The following DSP variants were observed in gnomAD, a reference collection of about 807,000 sequenced individuals.
The protein encoded by DSP is desmoplakin.
Under a neutral mutation model 290.6 loss-of-function variants are expected in DSP, and 114 were observed. The ratio of observed to expected loss-of-function variants is 0.39; its 90% CI spans 0.34 to 0.46. The LOEUF (loss-of-function observed/expected upper bound fraction) is 0.46. Among genes scored for constraint, DSP ranks in the 20% least tolerant of loss-of-function variants. DSP has a pLI of 0.99. For missense variants in DSP, 3,230 were observed against 3,495.8 expected (o/e 0.92, Z 1.92); for synonymous variants, 1,311 against 1,316.4 (o/e 1.00, Z 0.09).
In DSP at chr6:7,551,189, G is replaced by A. The variant is rs562282296; in HGVS notation, c.171-4529G>A. On this transcript the variant is annotated intron_variant, in intron 1 of 23. Transcript: ENST00000379802. ...TAAAATTGAGTTACAGAATGAATGA[G>A]GTGAAGAAATCTTACATACCATTTA... 2.3e-4 allele frequency among the ~76,000 whole-genome samples: 35 copies of A among 152,076 alleles called. 2 individuals are homozygous for A. Among genetic ancestry groups the A allele is most frequent in the African/African-American group, 8.2e-4 (34 of 41,480 alleles).
Position 7,541,958 on chromosome 6 carries a change from GGCC to G in DSP, c.46_48del (p.Arg16del), listed in dbSNP as rs1217826914. On this transcript the variant is annotated inframe_deletion, in exon 1 of 24. Coordinates refer to ENST00000379802, the MANE Select transcript of DSP (RefSeq NM_004415.4). ...CTCCCACCCGCGGATCAACACTCTG[GGCC>G]GCATGATCCGCGCCGAGTCTGGCCC... 6.2e-7 allele frequency: 1 copy of G among 1,609,142 alleles called. No homozygotes were observed. The highest frequency in any genetic ancestry group is 1.1e-5 in the South Asian group (1 of 90,326).
At chr6:7,572,873 G>A (rs1759098163) in intron 15 of DSP, among the ~76,000 whole-genome samples, 1 of 152,230 alleles carries the variant, frequency 6.6e-6, no homozygotes, top group Non-Finnish European at 1.5e-5. Flanking sequence ...TGTAGGGCAT[G>A]TGACTGTCCT....
chr6:7,584,725 T>C lies in DSP; in HGVS notation c.7463T>C (p.Ile2488Thr), dbSNP rs1417607373. Residue 2488 changes from isoleucine to threonine, a missense_variant, in exon 24 of 24, where the codon ATT becomes ACT. Physicochemically the swap from Ile to Thr is moderately conservative, Grantham distance 89. Transcript: ENST00000379802. This position sits in a 1 kb window ranked among gnomAD's most constrained non-coding sequence, Gnocchi z 6.4. ...CAGGAGGCCTACAAGAAGGGCCTAA[T>C]TGATTATGAAACCTTCAAAGAACTG... ...SVQEAYKKGLIDYETFKELCE... is the reference protein window; with the variant it reads ...SVQEAYKKGLTDYETFKELCE... The C allele has an allele frequency of 2.5e-6, 4 of 1,614,046 alleles. No homozygotes were observed. Among genetic ancestry groups the C allele is most frequent in the African/African-American group, 1.3e-5 (1 of 74,926 alleles).
chr6:7,577,856 T>C lies in DSP; in HGVS notation c.2955T>C (p.Ile985=). Residue 985 remains isoleucine (I), a synonymous_variant, in exon 21 of 24, where the codon ATT becomes ATC. Transcript: ENST00000379802. ...LLNIPIKRTM[I]QSPSGVILQE... The stretch of plus-strand genomic sequence containing the variant: ...ACATACCTATCAAGAGGACCATGAT[T>C]CAGTCCCCTTCTGGGGTGATTCTGC... 2.5e-6 allele frequency: 4 copies of C among 1,614,134 alleles called. No homozygotes were observed. Among genetic ancestry groups the C allele is most frequent in the Non-Finnish European group, 3.4e-6 (4 of 1,180,018 alleles).
chr6:7,550,210 G>A (rs1016924207), intron 1 of DSP, among the ~76,000 whole-genome samples: 7 of 150,982 alleles, frequency 4.6e-5, no homozygotes, highest in Admixed American at 1.3e-4. Context: ...TTCATGCCCA[G>A]CTGTTTTGTT....
chr6:7,570,005 A>G (rs1033468851), intron 12 of DSP, among the ~76,000 whole-genome samples: 1 of 152,250 alleles, frequency 6.6e-6, no homozygotes, highest in Non-Finnish European at 1.5e-5. Context: ...TGTAGGAAGA[A>G]CATTCGTTTA....
Position 7,585,397 on chromosome 6 carries a change from C to T in DSP, c.8135C>T (p.Ala2712Val). The T allele has an allele frequency of 6.2e-7, 1 of 1,614,076 alleles. No individual in the cohort carries two copies. Among genetic ancestry groups the T allele is most frequent in the Non-Finnish European group, 8.5e-7 (1 of 1,179,998 alleles). The change falls in exon 24 of 24, where the codon GCA (alanine) becomes GTA (valine). Residue 2712 changes from alanine (A) to valine (V), a missense_variant. Coordinates refer to ENST00000379802, the MANE Select transcript of DSP (RefSeq NM_004415.4). ...KGKKKMSAAE[A>V]VKEKWLPYEA... ...AAGAAGAAGATGTCAGCAGCAGAGG[C>T]AGTGAAAGAAAAATGGCTCCCGTAT...
At chr6:7,548,209 G>A (rs1209087768) in intron 1 of DSP, among the ~76,000 whole-genome samples, 1 of 151,990 alleles carries the variant, frequency 6.6e-6, no homozygotes, top group African/African-American at 2.4e-5. Flanking sequence ...AGAGGTTGCA[G>A]CGAGCTGAGA....
At position 7,584,968 on chromosome 6, in the gene DSP, C is replaced by CCAG; in HGVS notation, c.7715_7717dup (p.Ser2572dup). On this transcript the variant is annotated inframe_insertion, in exon 24 of 24. Transcript: ENST00000379802. The surrounding 1 kb of genome is among the most constrained non-coding windows in gnomAD (Gnocchi z 6.4). Reference sequence around the variant, plus strand: ...ATCTCCTTGAAAAATGGTGTCGGCACCAGCAGCAGCATGGGCAGTGGTGTC... The same window carrying CCAG: ...ATCTCCTTGAAAAATGGTGTCGGCACCAGCAGCAGCAGCATGGGCAGTGGTGTC... 1 of 1,614,196 alleles carries CCAG rather than the reference C, an allele frequency of 6.2e-7. No individual in the cohort carries two copies. The highest frequency in any genetic ancestry group is 8.5e-7 in the Non-Finnish European group (1 of 1,180,042).
At position 7,565,353 on chromosome 6, in the gene DSP, G is replaced by A; in HGVS notation, c.778-6G>A. On this transcript the variant is annotated splice_region_variant and splice_polypyrimidine_tract_variant and intron_variant, in intron 6 of 23. Coordinates refer to ENST00000379802, the MANE Select transcript of DSP (RefSeq NM_004415.4). This position sits in a 1 kb window ranked among gnomAD's most constrained non-coding sequence, Gnocchi z 4.2. ...TTTTAATGCTGCCTTTGAACCTCCT[G>A]TGCAGAAAGCGTCCTTTGAGAGGAT... 2 of 1,613,932 alleles carry A rather than the reference G, an allele frequency of 1.2e-6. No individual in the cohort carries two copies. The highest frequency in any genetic ancestry group is 1.7e-6 in the Non-Finnish European group (2 of 1,179,992).
Position 7,567,358 on chromosome 6 carries a change from A to G in DSP, c.1049A>G (p.Tyr350Cys), listed in dbSNP as rs1187569405. 6.2e-7 allele frequency: 1 copy of G among 1,613,914 alleles called. No individual in the cohort carries two copies. The highest frequency in any genetic ancestry group is 1.3e-5 in the African/African-American group (1 of 75,062). Residue 350 changes from tyrosine to cysteine, a missense_variant, in exon 9 of 24, where the codon TAT (tyrosine) becomes TGT (cysteine). Physicochemically the swap from Tyr to Cys is radical, Grantham distance 194 (BLOSUM62 -2). This residue lies in a region of DSP where 646 missense variants were observed against 684.3 expected (regional missense o/e 0.94). Coordinates refer to ENST00000379802, the MANE Select transcript of DSP (RefSeq NM_004415.4). ...GCTGACATTTTCTTGTTTCAGGCCT[A>G]TATGGACACTCTGCAGACGCAGTGG... ...QHPASDKIEA[Y>C]MDTLQTQWSW...
intron 1 of DSP, among the ~76,000 whole-genome samples, chr6:7,547,195 G>A (rs994524571): frequency 6.6e-6 from 1 of 152,032 alleles, no homozygotes; most frequent in Non-Finnish European, 1.5e-5. Flanking sequence ...GTTCAGATGT[G>A]GTTCTGATTT....
rs1280704171 is a variant in DSP at position 7,580,826 on chromosome 6, T to C, written c.4636T>C (p.Ser1546Pro). 1.2e-6 allele frequency: 2 copies of C among 1,614,090 alleles called. No homozygotes were observed. The highest frequency in any genetic ancestry group is 1.7e-6 in the Non-Finnish European group (2 of 1,180,024). The change falls in exon 23 of 24, where the codon TCC becomes CCC. Residue 1546 changes from serine to proline, a missense_variant. Transcript: ENST00000379802. The surrounding 1 kb of genome is among the most constrained non-coding windows in gnomAD (Gnocchi z 4.2). ...TRLRIDYERV[S>P]QERTVKDQDI... ...CCTGAGGATCGACTATGAAAGGGTT[T>C]CCCAGGAGAGGACTGTGAAGGACCA... is the stretch of plus-strand genomic sequence containing the variant.
At chr6:7,566,680 AT>A (rs575593666) in intron 8 of DSP, among the ~76,000 whole-genome samples, 199 bp downstream of exon 8, 20 of 152,224 alleles carry the variant, frequency 1.3e-4, no homozygotes, top group Non-Finnish European at 2.4e-4. Flanking sequence ...CTTTCAGGCC[AT>A]TTGGTCTCTG....
At chr6:7,561,445 C>A (rs1379146221) in intron 4 of DSP, among the ~76,000 whole-genome samples, 2 of 152,196 alleles carry the variant, frequency 1.3e-5, no homozygotes, top group African/African-American at 4.8e-5. Context: ...GGAGACTGAG[C>A]TGCAGGGCCC....
rs1355346786 is a variant in DSP, at chr6:7,582,644, A to G, written c.5382A>G (p.Ala1794=). 1.9e-6 allele frequency: 3 copies of G among 1,611,548 alleles called. No homozygotes were observed. Among genetic ancestry groups the G allele is most frequent in the Non-Finnish European group, 1.7e-6 (2 of 1,177,706 alleles). The change falls in exon 24 of 24, where the codon GCA becomes GCG. Residue 1794 remains alanine, a splice_region_variant and synonymous_variant. Transcript: ENST00000379802. This position sits in a 1 kb window ranked among gnomAD's most constrained non-coding sequence, Gnocchi z 4.2. ...ATTTCTTTCTTCTTCAATTCCAGGC[A>G]TCTAATAGGATTCAGGAATCAAAGA... ...IEKFQKQALE[A]SNRIQESKNQ...
chr6:7,554,126 C>CACACACA (rs61605193), intron 1 of DSP, among the ~76,000 whole-genome samples: 16 of 130,340 alleles, frequency 1.2e-4, no homozygotes, highest in South Asian at 4.5e-4. Flanking sequence ...CACACACACA[C>CACACACA]CCAGTTGGTT....
chr6:7,545,987 A>T (rs954877012), intron 1 of DSP, among the ~76,000 whole-genome samples: 14 of 152,146 alleles, frequency 9.2e-5, no homozygotes, highest in Non-Finnish European at 1.9e-4. Flanking sequence ...CCGGAGAGGG[A>T]TTTGGATAGG....
chr6:7,550,985 C>T (rs370880938), intron 1 of DSP, among the ~76,000 whole-genome samples: 5 of 151,948 alleles, frequency 3.3e-5, no homozygotes, highest in East Asian at 3.9e-4. Context: ...AATGTGTATA[C>T]GCTTGTAAGT....
Sources: gnomAD v4.1 joint callset for allele counts (sites outside exome capture counted in the v4.1 genomes callset) on GRCh38, gnomAD v4.1.1 for gene constraint, gnomAD v4.1.1 regional missense constraint, Gnocchi (gnomAD v3.1) non-coding constraint, MANE v1.5 for transcripts, NCBI Gene and HGNC (gene_info 2026-07-23, HGNC 2026-07-21) for gene names.